Variants in ARAP2 observed in about 807,000 individuals in gnomAD.
The protein encoded by ARAP2 is arf-GAP with Rho-GAP domain, ANK repeat and PH domain-containing protein 2.
A neutral mutation model predicts 194.5 loss-of-function variants in ARAP2; 148 were observed. The observed-to-expected ratio is 0.76, with a 90% CI of 0.67 to 0.87. The LOEUF (loss-of-function observed/expected upper bound fraction) is 0.87. Ranked by LOEUF, ARAP2 falls within the 40% of genes least tolerant of loss-of-function variation. The pLI is 0.00. For missense variants in ARAP2, 2,128 were observed against 1,989.7 expected, an observed-to-expected ratio of 1.07 and a Z score of -1.32; for synonymous variants, 695 against 683.5, an observed-to-expected ratio of 1.02 and a Z score of -0.26.
intron 1 of ARAP2, among the ~76,000 whole-genome samples, chr4:36,239,545 A>G (rs757349081): frequency 2.6e-5 from 4 of 152,222 alleles, no homozygotes; most frequent in African/African-American, 4.8e-5. Flanking sequence ...AGACAAATAC[A>G]TGATTCCACT....
At chr4:36,010,480 C>T (rs1325523032) in intron 9 of ARAP2, among the ~76,000 whole-genome samples, 1 of 151,986 alleles carries the variant, frequency 6.6e-6, no homozygotes, top group Non-Finnish European at 1.5e-5. Flanking sequence ...GTGTCAAGTG[C>T]CTCATTTCCC....
chr4:36,237,887 T>C (rs1273366475), intron 1 of ARAP2, among the ~76,000 whole-genome samples: 1 of 152,188 alleles, frequency 6.6e-6, no homozygotes, highest in Non-Finnish European at 1.5e-5. Flanking sequence ...ATGTTCAACT[T>C]AACTCTTTCC....
At chr4:36,142,900 T>C (rs1052728711) in intron 19 of ARAP2, among the ~76,000 whole-genome samples, 63 of 151,852 alleles carry the variant, frequency 4.1e-4, no homozygotes, top group African/African-American at 1.4e-3. Context: ...GAATATCTTA[T>C]CCATAAAAAA....
intron 27 of ARAP2, among the ~76,000 whole-genome samples, chr4:36,104,052 A>T (rs1332728765): frequency 1.3e-5 from 2 of 151,964 alleles, no homozygotes; most frequent in Admixed American, 6.6e-5. Context: ...AAATGTAGGG[A>T]CAGAGTAAAA....
intron 27 of ARAP2, among the ~76,000 whole-genome samples, chr4:36,100,971 A>T (rs767276054): frequency 3.3e-5 from 5 of 151,998 alleles, no homozygotes; most frequent in Non-Finnish European, 7.4e-5. Flanking sequence ...GCATCTGTCA[A>T]TTCAACCAAT....
intron 10 of ARAP2, chr4:36,005,446 A>G (rs567734908): frequency 3.3e-5 from 5 of 152,292 alleles, no homozygotes; most frequent in Admixed American, 2.0e-4. Context: ...AATTTTCACT[A>G]TAAGTGACAT....
intron 27 of ARAP2, among the ~76,000 whole-genome samples, chr4:36,102,342 A>C (rs1345214084): frequency 6.6e-6 from 1 of 152,050 alleles, no homozygotes; most frequent in Non-Finnish European, 1.5e-5. Flanking sequence ...TCCAGCTTTC[A>C]TGGTAATGAT....
At chr4:36,192,619 C>T (rs1161874754) in intron 7 of ARAP2, among the ~76,000 whole-genome samples, 1 of 152,166 alleles carries the variant, frequency 6.6e-6, no homozygotes, top group African/African-American at 2.4e-5. Flanking sequence ...GCTATAGAGA[C>T]TACCTTCTAC....
chr4:36,213,038 T>G (rs1747109038), intron 4 of ARAP2, among the ~76,000 whole-genome samples: 1 of 152,048 alleles, frequency 6.6e-6, no homozygotes, highest in Non-Finnish European at 1.5e-5. Context: ...ATTCCTGAAG[T>G]CATAATAAAC....
chr4:36,208,975 C>G (rs1296816759), intron 6 of ARAP2, among the ~76,000 whole-genome samples: 2 of 152,092 alleles, frequency 1.3e-5, no homozygotes. Context: ...AAAAGAGAGA[C>G]AGAATATATT....
chr4:36,147,416 A>G (rs1044178254), intron 18 of ARAP2, 57 bp from the exon 19 acceptor site: 4 of 1,585,698 alleles, frequency 2.5e-6, no homozygotes, highest in African/African-American at 1.4e-5. Flanking sequence ...ATAAACACCC[A>G]TGAAGACACA....
chr4:36,170,206 C>T (rs183531423), intron 9 of ARAP2, among the ~76,000 whole-genome samples: 31 of 152,236 alleles, frequency 2.0e-4, no homozygotes, highest in Non-Finnish European at 3.5e-4. Flanking sequence ...ATGTGGCCAA[C>T]GCCAAGAAAC....
At chr4:36,142,057 T>C (rs953564734) in intron 19 of ARAP2, among the ~76,000 whole-genome samples, 78 of 151,770 alleles carry the variant, frequency 5.1e-4, no homozygotes, top group African/African-American at 1.8e-3. Flanking sequence ...GGGAGAGAAG[T>C]GCATATTCTC....
At chr4:36,020,824 T>C (rs1033021438) in intron 5 of ARAP2, among the ~76,000 whole-genome samples, 1 of 152,182 alleles carries the variant, frequency 6.6e-6, no homozygotes, top group Non-Finnish European at 1.5e-5. Context: ...GATCAATAAG[T>C]GGCTGTGACA....
intron 5 of ARAP2, among the ~76,000 whole-genome samples, chr4:36,043,001 CCTGA>C (rs1721138846): frequency 6.6e-6 from 1 of 152,096 alleles, no homozygotes; most frequent in Non-Finnish European, 1.5e-5. Flanking sequence ...CACTACCATG[CCTGA>C]CTAATTTTTG....
At chr4:36,194,507 T>G (rs555707044) in intron 6 of ARAP2, among the ~76,000 whole-genome samples, 29 of 152,224 alleles carry the variant, frequency 1.9e-4, no homozygotes, top group Non-Finnish European at 3.1e-4. Context: ...TCTGTCTACC[T>G]TGTGCTTTTG....
rs750464173 is a variant in ARAP2 at position 36,148,669 on chromosome 4, A to AG, written c.2898-163dup. Among the ~76,000 whole-genome samples the AG allele has an allele frequency of 6.6e-5, 10 of 152,342 alleles. No homozygotes were observed. The East Asian group carries it at 1.9e-3, about 29-fold the overall frequency. ...TAATGGTTTGCATTTTATTCAAATGAGGTAAATGGAACACACTGGATTGGA... is the reference window on the plus strand; with the variant it reads ...TAATGGTTTGCATTTTATTCAAATGAGGGTAAATGGAACACACTGGATTGGA... On this transcript the variant is annotated intron_variant, in intron 16 of 32. Transcript: ENST00000303965.
intron 5 of ARAP2, among the ~76,000 whole-genome samples, chr4:36,025,472 C>A (rs1175644405): frequency 6.6e-6 from 1 of 152,024 alleles, no homozygotes; most frequent in Non-Finnish European, 1.5e-5. Context: ...TCGTCACTGG[C>A]GTGGAATTGA....
intron 7 of ARAP2, among the ~76,000 whole-genome samples, chr4:36,192,364 T>C (rs1411424204): frequency 6.6e-6 from 1 of 152,108 alleles, no homozygotes; most frequent in Non-Finnish European, 1.5e-5. Flanking sequence ...ACTAAAAACG[T>C]GAGAGGTCCT....
Sources: gnomAD v4.1 joint callset for allele counts (sites outside exome capture counted in the v4.1 genomes callset) on GRCh38, gnomAD v4.1.1 for gene constraint, MANE v1.5 for transcripts, NCBI Gene and HGNC (gene_info 2026-07-23, HGNC 2026-07-21) for gene names.